PTPRD: variants seen among roughly 807,000 people sequenced by gnomAD.
The protein encoded by PTPRD is receptor-type tyrosine-protein phosphatase delta.
In PTPRD, 34 loss-of-function variants were observed where a neutral mutation model predicts 214.5. The ratio of observed to expected loss-of-function variants is 0.16; its 90% confidence interval spans 0.12 to 0.21. PTPRD has a LOEUF of 0.21. Among genes scored for constraint, PTPRD ranks in the 10% least tolerant of loss-of-function variants. PTPRD has a pLI of 1.00. For synonymous variants in PTPRD, 1,128 were observed against 845.7 expected (o/e 1.33, Z -5.79); for missense variants, 2,545 against 2,398.7 (o/e 1.06, Z -1.27).
At chr9:10,225,516 G>A (rs1252597592) in intron 3 of PTPRD, among the ~76,000 whole-genome samples, 1 of 151,966 alleles carries the variant, frequency 6.6e-6, no homozygotes, top group Non-Finnish European at 1.5e-5. Flanking sequence ...TGCTTTTATT[G>A]GCTAGACAAT....
intron 30 of PTPRD, among the ~76,000 whole-genome samples, chr9:8,479,755 T>A (rs1207839085): frequency 1.3e-5 from 2 of 152,188 alleles, no homozygotes; most frequent in Non-Finnish European, 2.9e-5. Context: ...GAAAACTAAA[T>A]TAATAGTAAA....
chr9:8,557,779 T>TACACACACACACACAC (rs373363751), intron 14 of PTPRD, among the ~76,000 whole-genome samples: 1 of 103,914 alleles, frequency 9.6e-6, no homozygotes, highest in South Asian at 3.1e-4. Context: ...AAAAACAAAA[T>TACACACACACACACAC]ACACACACAC....
At chr9:9,124,022 G>A (rs1313408522) in intron 10 of PTPRD, among the ~76,000 whole-genome samples, 1 of 152,144 alleles carries the variant, frequency 6.6e-6, no homozygotes, top group Non-Finnish European at 1.5e-5. Flanking sequence ...GGGGGAGGGA[G>A]GTTAAGTAGT....
chr9:9,628,097 G>T (rs1013926150), intron 7 of PTPRD, among the ~76,000 whole-genome samples: 2 of 152,124 alleles, frequency 1.3e-5, no homozygotes, highest in Admixed American at 6.5e-5. Context: ...GTTTCTCACA[G>T]ATTTGCCTTC....
At chr9:10,391,296 T>A (rs149787142) in intron 2 of PTPRD, among the ~76,000 whole-genome samples, 1 of 151,802 alleles carries the variant, frequency 6.6e-6, no homozygotes, top group African/African-American at 2.4e-5. Flanking sequence ...TTGGACAATA[T>A]TCACATTATT....
At chr9:9,758,732 T>A (rs1458573499) in intron 6 of PTPRD, among the ~76,000 whole-genome samples, 1 of 151,652 alleles carries the variant, frequency 6.6e-6, no homozygotes, top group African/African-American at 2.4e-5. Context: ...CATTCCCTCA[T>A]CGCCACCCAC....
chr9:9,537,816 C>T (rs960508953), intron 8 of PTPRD, among the ~76,000 whole-genome samples: 14 of 151,646 alleles, frequency 9.2e-5, no homozygotes, highest in African/African-American at 2.9e-4. Context: ...AAGCTTTTAC[C>T]CTTTGTGTTC....
In PTPRD at chr9:9,170,020, T is replaced by C. The variant is rs150977524; in HGVS notation, c.-143+13284A>G. 4.4e-3 allele frequency among the ~76,000 whole-genome samples: 669 copies of C among 152,308 alleles called. 2 individuals carry two copies. The highest frequency in any genetic ancestry group is 0.015 in the African/African-American group (640 of 41,580). On this transcript the variant is annotated intron_variant, in intron 10 of 45. Coordinates refer to ENST00000381196, the MANE Select transcript of PTPRD (RefSeq NM_002839.4). ...ACCACAGATCTTTGGTGTTTTTTCA[T>C]TTGTATTTATTTTATTGTAGGATTA...
At chr9:10,428,507 T>G (rs1284176714) in intron 2 of PTPRD, among the ~76,000 whole-genome samples, 1 of 152,092 alleles carries the variant, frequency 6.6e-6, no homozygotes, top group Admixed American at 6.6e-5. Flanking sequence ...TGTTGATACC[T>G]ATGTTTACTT....
chr9:8,328,951 C>G (rs1836831113), intron 44 of PTPRD, among the ~76,000 whole-genome samples: 1 of 152,236 alleles, frequency 6.6e-6, no homozygotes, highest in East Asian at 1.9e-4. Flanking sequence ...AGGTACTTAG[C>G]TTCCTTGCAT....
chr9:9,650,895 A>C (rs2096325325), intron 7 of PTPRD, among the ~76,000 whole-genome samples: 1 of 152,098 alleles, frequency 6.6e-6, no homozygotes, highest in Non-Finnish European at 1.5e-5. Context: ...AATATAAATA[A>C]ATGTTACATT....
chr9:10,419,293 A>G (rs1190336027), intron 2 of PTPRD, among the ~76,000 whole-genome samples: 2 of 151,894 alleles, frequency 1.3e-5, no homozygotes, highest in African/African-American at 2.4e-5. Flanking sequence ...TTTCCGTAAC[A>G]CTGGACTCTA....
At chr9:9,250,273 G>C (rs1032330695) in intron 9 of PTPRD, among the ~76,000 whole-genome samples, 36 of 152,064 alleles carry the variant, frequency 2.4e-4, no homozygotes, top group African/African-American at 8.7e-4. Context: ...TGATGTACCA[G>C]TACTGATAGA....
chr9:9,169,949 C>T (rs548302386), intron 10 of PTPRD, among the ~76,000 whole-genome samples: 6 of 152,180 alleles, frequency 3.9e-5, no homozygotes, highest in Non-Finnish European at 8.8e-5. Flanking sequence ...TTTGATGGCT[C>T]TGCCATAAGG....
intron 3 of PTPRD, among the ~76,000 whole-genome samples, chr9:10,301,202 A>G (rs2095852194): frequency 6.6e-6 from 1 of 152,146 alleles, no homozygotes; most frequent in South Asian, 2.1e-4. Flanking sequence ...AAACTAACAA[A>G]CAGAAAGGAA....
At chr9:8,533,483 G>A (rs1297556149) in intron 14 of PTPRD, among the ~76,000 whole-genome samples, 2 of 152,032 alleles carry the variant, frequency 1.3e-5, no homozygotes, top group Admixed American at 1.3e-4. Flanking sequence ...AATTTGGCAA[G>A]TATACCTGAA....
At chr9:9,808,000 G>C (rs2045960931) in intron 5 of PTPRD, among the ~76,000 whole-genome samples, 1 of 152,152 alleles carries the variant, frequency 6.6e-6, no homozygotes, top group Non-Finnish European at 1.5e-5. Context: ...AGTGCTGATG[G>C]TGAGCTGTCC....
chr9:10,354,476 G>A (rs1192257312), intron 2 of PTPRD, among the ~76,000 whole-genome samples: 1 of 151,964 alleles, frequency 6.6e-6, no homozygotes, highest in Non-Finnish European at 1.5e-5. Context: ...CTTGGTTTCC[G>A]GTTTTTAATA....
chr9:8,580,183 G>C (rs1564487952), intron 14 of PTPRD, among the ~76,000 whole-genome samples: 1 of 152,152 alleles, frequency 6.6e-6, no homozygotes, highest in Non-Finnish European at 1.5e-5. Context: ...GTAGACATGT[G>C]AAAAAAGACT....
Sources: gnomAD v4.1 joint callset for allele counts (sites outside exome capture counted in the v4.1 genomes callset) on GRCh38, gnomAD v4.1.1 for gene constraint, MANE v1.5 for transcripts, NCBI Gene and HGNC (gene_info 2026-07-23, HGNC 2026-07-21) for gene names.